The following CCNL1 variants were observed in gnomAD, a reference collection of about 807,000 sequenced individuals.
CCNL1 encodes cyclin-L1.
CCNL1 carries 13 observed loss-of-function variants against 60.6 expected under a neutral mutation model. The observed-to-expected ratio is 0.21, with a 90% CI of 0.14 to 0.34. The LOEUF is 0.34. CCNL1 is among the 10% of genes least tolerant of loss of function. CCNL1 has a pLI of 1.00. For synonymous variants in CCNL1, 270 were observed against 244.3 expected (o/e 1.10, Z -0.98); for missense variants, 481 against 664.3 (o/e 0.72, Z 3.03).
chr3:157,151,186 T>C, intron 5 of CCNL1: 1 of 985,046 alleles, frequency 1.0e-6, no homozygotes, highest in Admixed American at 6.1e-5. Flanking sequence ...ATAAAAATAA[T>C]GAGACTTTTC....
intron 1 of CCNL1, 62 bp from the exon 2 acceptor site, chr3:157,159,541 G>T: frequency 1.4e-6 from 2 of 1,440,774 alleles, no homozygotes; most frequent in Non-Finnish European, 1.9e-6. Context: ...AGGCGCCGCC[G>T]CCATTTTGTG....
downstream of CCNL1, chr3:157,146,573 G>C: frequency 2.3e-6 from 1 of 433,852 alleles, no homozygotes; most frequent in South Asian, 1.6e-5. Flanking sequence ...CCAGGAGTTC[G>C]TGACCGACCT....
At chr3:157,151,314 AG>A in intron 5 of CCNL1, 1 of 985,796 alleles carries the variant, frequency 1.0e-6, no homozygotes, top group Non-Finnish European at 1.2e-6. Context: ...CAATAGTCTT[AG>A]GAAACAGTAG....
chr3:157,147,003 G>A (rs990763146), downstream of CCNL1, among the ~76,000 whole-genome samples: 7 of 152,110 alleles, frequency 4.6e-5, no homozygotes, highest in African/African-American at 1.7e-4. Context: ...TCCACCACCT[G>A]CCATTGGTGA....
At chr3:157,156,552 A>G (rs1427949771) in intron 3 of CCNL1, among the ~76,000 whole-genome samples, 1 of 152,194 alleles carries the variant, frequency 6.6e-6, no homozygotes, top group Non-Finnish European at 1.5e-5. Flanking sequence ...CGAACCACAA[A>G]AAACTGAAGG....
Position 157,159,277 on chromosome 3 carries a change from AGT to A in CCNL1, c.378+126_378+127del, listed in dbSNP as rs2108142430. On this transcript the variant is annotated intron_variant, in intron 2 of 10. Coordinates refer to ENST00000295926, the MANE Select transcript of CCNL1 (RefSeq NM_020307.4). ...TTCTAAAGGTTTCCACTTCCTGGCG[AGT>A]GAGAAGTAGGTACAAAGGCCTAAAC... 4 of 790,314 alleles carry A rather than the reference AGT, an allele frequency of 5.1e-6. No individual in the cohort carries two copies. The South Asian group carries it at 6.9e-5, about 14-fold the overall frequency. The allele number at this position is 790,314 out of a possible 1,614,324, so 49.0% of individuals were successfully genotyped here.
intron 10 of CCNL1, 106 bp from the exon 11 acceptor site, chr3:157,148,695 G>C: frequency 1.0e-6 from 1 of 978,442 alleles, no homozygotes; most frequent in South Asian, 1.7e-5. Flanking sequence ...CTACATAAAT[G>C]ACAAACCAGA....
At chr3:157,151,026 C>T in intron 5 of CCNL1, 1 of 985,170 alleles carries the variant, frequency 1.0e-6, no homozygotes, top group Non-Finnish European at 1.2e-6. Flanking sequence ...AATGAACCCT[C>T]CCCACAACAT....
At position 157,160,059 on chromosome 3, in the gene CCNL1, G is replaced by A. The variant is rs199887830; in HGVS notation, c.36C>T (p.Ala12=). The change falls in exon 1 of 11, where the codon GCC becomes GCT. Residue 12 remains alanine (A), a synonymous_variant. Transcript: ENST00000295926. The part of the protein sequence containing the change: ...ASGPHSTATA[A]AAASSAAPSA... ...TTGGGGCGGCCGATGAGGCGGCTGC[G>A]GCAGCAGTAGCTGTCGAATGAGGCC... The A allele has an allele frequency of 1.9e-6, 3 of 1,558,948 alleles. No individual in the cohort carries two copies. The highest frequency in any genetic ancestry group is 2.4e-5 in the East Asian group (1 of 41,602).
chr3:157,150,070 T>C lies in CCNL1; in HGVS notation c.874A>G (p.Lys292Glu). ...CIETLRLYTRKKPNYELLEKE... is the reference protein window; with the variant it reads ...CIETLRLYTREKPNYELLEKE... ...AACGAGTAAATAGAGAATACCTTTT[T>C]TCTGGTATAAAGCCTAAGTGTTTCT... Residue 292 changes from lysine (K) to glutamate (E), a missense_variant, in exon 7 of 11, where the codon AAA becomes GAA. Lys to Glu is a moderately conservative substitution (Grantham distance 56). Around this residue, in one of 5 missense-constraint regions of CCNL1, gnomAD observed 75 missense variants for 129.6 expected, o/e 0.58. Transcript: ENST00000295926. 6.2e-7 allele frequency: 1 copy of C among 1,609,194 alleles called. No individual in the cohort carries two copies. Among genetic ancestry groups the C allele is most frequent in the Non-Finnish European group, 8.5e-7 (1 of 1,178,676 alleles).
Position 157,148,190 on chromosome 3 carries a change from A to C in CCNL1, c.*51T>G, listed in dbSNP as rs751470106. On this transcript the variant is annotated 3_prime_UTR_variant, in exon 11 of 11. Coordinates refer to ENST00000295926, the MANE Select transcript of CCNL1 (RefSeq NM_020307.4). ...GTTTTTGATTGAGTCCATACATCAC[A>C]CTGTAGATAGGCAAAACCAAGAACT... 9 of 1,570,936 alleles carry C rather than the reference A, an allele frequency of 5.7e-6. No individual in the cohort carries two copies. In the African/African-American group the frequency reaches 6.8e-5, roughly 12 times the overall value.
Position 157,147,980 on chromosome 3 carries a change from G to A in CCNL1, c.*261C>T, listed in dbSNP as rs1737861659. On this transcript the variant is annotated 3_prime_UTR_variant, in exon 11 of 11. Transcript: ENST00000295926. ...CAGAATTCACGCTCCAGTTCTTATA[G>A]CAATAAACAATACACAACTATAATA... 1 of 1,199,710 alleles carries A rather than the reference G, an allele frequency of 8.3e-7. No individual in the cohort carries two copies. Among genetic ancestry groups the A allele is most frequent in the East Asian group, 3.8e-5 (1 of 26,100 alleles). 74.3% of individuals were successfully genotyped at this position (1,199,710 alleles called of 1,614,324 possible).
chr3:157,159,244 G>A, intron 2 of CCNL1, 161 bp downstream of exon 2: 1 of 694,896 alleles, frequency 1.4e-6, no homozygotes, highest in Non-Finnish European at 2.5e-6. Context: ...GATCGATTTT[G>A]AACCACATTC....
chr3:157,150,142 A>G lies in CCNL1; in HGVS notation c.802T>C (p.Phe268Leu), dbSNP rs1738066103. 1 of 1,612,814 alleles carries G rather than the reference A, an allele frequency of 6.2e-7. No homozygotes were observed. Among genetic ancestry groups the G allele is most frequent in the African/African-American group, 1.3e-5 (1 of 74,752 alleles). Residue 268 changes from phenylalanine to leucine, a missense_variant, in exon 7 of 11, where the codon TTT becomes CTT. Around this residue, in one of 5 missense-constraint regions of CCNL1, gnomAD observed 75 missense variants for 129.6 expected, o/e 0.58. Coordinates refer to ENST00000295926, the MANE Select transcript of CCNL1 (RefSeq NM_020307.4). ...TCTTCTGTAGTACCAAAAAGAAGAA[A>G]CCAATGGGGACGAGTTGGCAACGGA... The part of the protein sequence containing the change: ...QIPLPTRPHW[F>L]LLFGTTEEEI...
rs943950004 is a variant in CCNL1 at position 157,152,565 on chromosome 3, C to A, written c.610-324G>T. 13 of 1,085,886 alleles carry A rather than the reference C, an allele frequency of 1.2e-5. No individual in the cohort carries two copies. In the African/African-American group the frequency reaches 2.2e-4, roughly 18 times the overall value. 67.3% of individuals were successfully genotyped at this position (1,085,886 alleles called of 1,614,324 possible). ...AAGGTACATTTCTAACCCAGGTAGT[C>A]CTGACCCGGGTAACTCACTCTATGG... On this transcript the variant is annotated intron_variant, in intron 4 of 10. Transcript: ENST00000295926.
In CCNL1 at chr3:157,149,230, G is replaced by T. The variant is rs74453702; in HGVS notation, c.1232+57C>A. On this transcript the variant is annotated intron_variant, in intron 10 of 10. Transcript: ENST00000295926. The stretch of plus-strand genomic sequence containing the variant: ...TCTATGTTCAATTTTTAAAGAAAAA[G>T]CAATAACCTTTAAAAACTCCAAATA... 759 of 1,351,942 alleles carry T rather than the reference G, an allele frequency of 5.6e-4. 7 individuals are homozygous for T. In the African/African-American group the frequency reaches 0.01, roughly 18 times the overall value. The allele number at this position is 1,351,942 out of a possible 1,614,324, so 83.7% of individuals were successfully genotyped here. A position where few individuals can be genotyped will look rare whatever the true frequency, so the allele number is the denominator to read the frequency against.
intron 10 of CCNL1, chr3:157,149,029 GAACA>G (rs1159642425): frequency 9.7e-6 from 4 of 412,642 alleles, no homozygotes; most frequent in African/African-American, 8.3e-5. Flanking sequence ...TTCACATTAT[GAACA>G]ATACTATGGC....
chr3:157,153,192 G>A (rs373449949), intron 3 of CCNL1, 36 bp from the exon 4 acceptor site: 6 of 1,577,688 alleles, frequency 3.8e-6, no homozygotes, highest in Non-Finnish European at 5.2e-6. Flanking sequence ...AAACTGTTTT[G>A]CACATCCAAA....
At chr3:157,152,419 T>C (rs895863237) in intron 4 of CCNL1, 178 bp from the exon 5 acceptor site, 41 of 1,293,258 alleles carry the variant, frequency 3.2e-5, no homozygotes, top group Non-Finnish European at 4.0e-5. Context: ...AGATTTTATA[T>C]AAATTATGTT....
Sources: gnomAD v4.1 joint callset for allele counts (sites outside exome capture counted in the v4.1 genomes callset) on GRCh38, gnomAD v4.1.1 for gene constraint, gnomAD v4.1.1 regional missense constraint, MANE v1.5 for transcripts, NCBI Gene and HGNC (gene_info 2026-07-23, HGNC 2026-07-21) for gene names.